LEKR1: variants seen among roughly 807,000 people sequenced by gnomAD.
LEKR1 encodes the protein leucine, glutamate and lysine rich 1.
In LEKR1, 59 loss-of-function variants were observed where a neutral mutation model predicts 72.4. The observed-to-expected ratio is 0.82, with a 90% CI of 0.66 to 1.01. The LOEUF (loss-of-function observed/expected upper bound fraction) is 1.01. Ranked by LOEUF, LEKR1 falls within the 50% of genes least tolerant of loss-of-function variation. LEKR1 has a pLI of 0.00. For missense variants in LEKR1, 728 were observed against 759.2 expected (o/e 0.96, Z 0.48); for synonymous variants, 257 against 263.2 (o/e 0.98, Z 0.23).
At chr3:156,932,349 T>A (rs946810391) in intron 5 of LEKR1, among the ~76,000 whole-genome samples, 2 of 152,230 alleles carry the variant, frequency 1.3e-5, no homozygotes, top group Non-Finnish European at 2.9e-5. Flanking sequence ...TATGACAATA[T>A]GCTTTTAAAT....
rs185288150 is a variant in LEKR1, at chr3:156,835,645, G to A, written c.48+6268G>A. On this transcript the variant is annotated intron_variant, in intron 2 of 12. Transcript: ENST00000356539. The stretch of plus-strand genomic sequence containing the variant: ...CCCCAAGAACATGGTTTTCTTATTC[G>A]GTGTGCAAAGAACCAAGTATCACCC... 4.2e-4 allele frequency among the ~76,000 whole-genome samples: 64 copies of A among 151,978 alleles called. 1 individual carries two copies. Among genetic ancestry groups the A allele is most frequent in the African/African-American group, 1.5e-3 (62 of 41,452 alleles).
intron 6 of LEKR1, among the ~76,000 whole-genome samples, chr3:156,968,662 C>T (rs1728858080): frequency 6.6e-6 from 1 of 152,146 alleles, no homozygotes; most frequent in African/African-American, 2.4e-5. Context: ...GACTCCCCCA[C>T]AATAATAATG....
At chr3:156,964,321 G>C (rs892872961) in intron 6 of LEKR1, among the ~76,000 whole-genome samples, 2 of 151,906 alleles carry the variant, frequency 1.3e-5, no homozygotes, top group African/African-American at 4.8e-5. Context: ...AATATTCATA[G>C]TATTCTGTTG....
At chr3:156,876,683 C>A (rs1047435343) in intron 3 of LEKR1, among the ~76,000 whole-genome samples, 1 of 152,096 alleles carries the variant, frequency 6.6e-6, no homozygotes, top group South Asian at 2.1e-4. Flanking sequence ...TATCCTGAAA[C>A]TTTACTGAAC....
intron 3 of LEKR1, among the ~76,000 whole-genome samples, chr3:156,876,344 A>G (rs1718576886): frequency 6.6e-6 from 1 of 151,976 alleles, no homozygotes; most frequent in Non-Finnish European, 1.5e-5. Flanking sequence ...GAATTTTAAG[A>G]TTGTTTTTTC....
At chr3:157,022,510 G>T (rs1204471183) in intron 10 of LEKR1, among the ~76,000 whole-genome samples, 1 of 152,066 alleles carries the variant, frequency 6.6e-6, no homozygotes, top group Non-Finnish European at 1.5e-5. Flanking sequence ...TTTTGTGTTG[G>T]ATTGGGTGGG....
chr3:157,044,799 T>G (rs1050250230), intron 12 of LEKR1, among the ~76,000 whole-genome samples: 2 of 152,230 alleles, frequency 1.3e-5, no homozygotes, highest in African/African-American at 4.8e-5. Context: ...TGAGAAAGCA[T>G]CATATGAGAA....
At chr3:156,877,118 A>G (rs918541273) in intron 3 of LEKR1, among the ~76,000 whole-genome samples, 1 of 152,154 alleles carries the variant, frequency 6.6e-6, no homozygotes, top group African/African-American at 2.4e-5. Flanking sequence ...GATCACATGT[A>G]TTGACTTGTA....
At chr3:157,009,303 T>G (rs923121204) in intron 9 of LEKR1, among the ~76,000 whole-genome samples, 1 of 152,164 alleles carries the variant, frequency 6.6e-6, no homozygotes, top group Non-Finnish European at 1.5e-5. Context: ...TTTAGATATT[T>G]TGTACTAGAT....
intron 6 of LEKR1, among the ~76,000 whole-genome samples, chr3:156,957,157 G>A (rs944126262): frequency 6.6e-6 from 1 of 151,950 alleles, no homozygotes; most frequent in African/African-American, 2.4e-5. Context: ...ACTAATTTAT[G>A]CCCAACACTA....
intron 7 of LEKR1, among the ~76,000 whole-genome samples, chr3:156,987,653 A>G (rs74932780): frequency 0.019 from 2,945 of 152,270 alleles, 92 homozygotes; most frequent in African/African-American, 0.067. Context: ...TTTTCTTATC[A>G]TGAATAATAA....
At chr3:156,999,017 G>A (rs1731807289) in intron 9 of LEKR1, among the ~76,000 whole-genome samples, 1 of 152,104 alleles carries the variant, frequency 6.6e-6, no homozygotes, top group Admixed American at 6.5e-5. Context: ...TAGTGAGTGA[G>A]TTCTCACGAG....
chr3:156,946,702 T>A (rs191323770), intron 6 of LEKR1, among the ~76,000 whole-genome samples: 1 of 151,608 alleles, frequency 6.6e-6, no homozygotes, highest in East Asian at 1.9e-4. Flanking sequence ...AACGATCCTA[T>A]GATTTTTGTC....
chr3:156,903,688 A>G (rs780961747), intron 3 of LEKR1, among the ~76,000 whole-genome samples: 10 of 152,174 alleles, frequency 6.6e-5, no homozygotes, highest in Non-Finnish European at 2.9e-5. Context: ...CTGCTTCTCT[A>G]GAGGGTCAAC....
At chr3:156,877,149 T>A (rs1449155008) in intron 3 of LEKR1, among the ~76,000 whole-genome samples, 2 of 152,220 alleles carry the variant, frequency 1.3e-5, no homozygotes, top group Non-Finnish European at 2.9e-5. Flanking sequence ...CATCCCTGTA[T>A]CTCTGATATG....
At chr3:156,843,119 A>T (rs1714147676) in intron 2 of LEKR1, among the ~76,000 whole-genome samples, 1 of 152,210 alleles carries the variant, frequency 6.6e-6, no homozygotes, top group Admixed American at 6.5e-5. Flanking sequence ...AATATACTTG[A>T]AATTATAGTA....
intron 3 of LEKR1, among the ~76,000 whole-genome samples, chr3:156,871,985 T>G (rs1388227041): frequency 6.6e-6 from 1 of 152,098 alleles, no homozygotes; most frequent in African/African-American, 2.4e-5. Context: ...TCCTCTTCAG[T>G]TTTTGAGAAT....
intron 3 of LEKR1, among the ~76,000 whole-genome samples, chr3:156,920,256 T>G (rs7640994): frequency 0.3 from 46,173 of 152,074 alleles, 9,983 homozygotes; most frequent in African/African-American, 0.61. Flanking sequence ...TAAATGAAAT[T>G]AAATTAATAT....
intron 2 of LEKR1, among the ~76,000 whole-genome samples, chr3:156,844,016 A>G (rs1714262592): frequency 6.6e-6 from 1 of 152,146 alleles, no homozygotes; most frequent in African/African-American, 2.4e-5. Context: ...ATCTTGAAAA[A>G]TCTGAATTTG....
Sources: gnomAD v4.1 joint callset for allele counts (sites outside exome capture counted in the v4.1 genomes callset) on GRCh38, gnomAD v4.1.1 for gene constraint, MANE v1.5 for transcripts, NCBI Gene and HGNC (gene_info 2026-07-23, HGNC 2026-07-21) for gene names.